TCERG1L: variants seen among roughly 807,000 people sequenced by gnomAD.
The protein encoded by TCERG1L is transcription elongation regulator 1 like, also known as transcription elongation regulator 1-like protein.
A neutral mutation model predicts 56.3 loss-of-function variants in TCERG1L; 37 were observed. The ratio of observed to expected loss-of-function variants is 0.66; its 90% CI spans 0.51 to 0.87. The LOEUF (loss-of-function observed/expected upper bound fraction) is 0.87, where lower values mean the gene tolerates loss of function less well. Among genes scored for constraint, TCERG1L ranks in the 40% least tolerant of loss-of-function variants. The pLI is 0.00. For missense variants in TCERG1L, 799 were observed against 774.2 expected (o/e 1.03, Z -0.38); for synonymous variants, 324 against 326.3 (o/e 0.99, Z 0.08).
At chr10:131,193,185 C>T (rs976751920) in intron 4 of TCERG1L, among the ~76,000 whole-genome samples, 2 of 152,134 alleles carry the variant, frequency 1.3e-5, no homozygotes, top group African/African-American at 2.4e-5. Flanking sequence ...ATGGCATTTA[C>T]ACACTTTTTA....
At chr10:131,254,453 G>A (rs1419686199) in intron 4 of TCERG1L, among the ~76,000 whole-genome samples, 1 of 152,074 alleles carries the variant, frequency 6.6e-6, no homozygotes. Context: ...GGGGTAACTG[G>A]AACTACAGGT....
chr10:131,290,257 G>A (rs920190759), intron 3 of TCERG1L, among the ~76,000 whole-genome samples: 41 of 152,296 alleles, frequency 2.7e-4, no homozygotes, highest in Non-Finnish European at 3.7e-4. Flanking sequence ...TGCTGTGTGC[G>A]AGCAGGTGTG....
intron 8 of TCERG1L, among the ~76,000 whole-genome samples, chr10:131,123,434 G>A (rs1845532751): frequency 6.6e-6 from 1 of 152,124 alleles, no homozygotes; most frequent in Admixed American, 6.5e-5. Context: ...GAACATTCCA[G>A]ACTCAGGGCT....
At chr10:131,107,924 C>A (rs888123572) in intron 9 of TCERG1L, among the ~76,000 whole-genome samples, 28 of 151,484 alleles carry the variant, frequency 1.8e-4, no homozygotes, top group African/African-American at 6.3e-4. Context: ...CACAAAGATG[C>A]ACACATTGAT....
intron 4 of TCERG1L, among the ~76,000 whole-genome samples, chr10:131,240,909 C>T (rs769562034): frequency 7.2e-5 from 11 of 152,298 alleles, no homozygotes; most frequent in South Asian, 4.1e-4. Flanking sequence ...GGGGCTGCAG[C>T]GGCATCAGGG....
rs149171204 is a variant in TCERG1L at position 131,093,620 on chromosome 10, G to A, written c.1605-302C>T. Among the ~76,000 whole-genome samples the A allele has an allele frequency of 3.4e-3, 524 of 152,180 alleles. 2 individuals are homozygous for A. The highest frequency in any genetic ancestry group is 5.5e-3 in the Non-Finnish European group (375 of 68,008). On this transcript the variant is annotated intron_variant, in intron 11 of 11. Transcript: ENST00000368642. ...TCATGCAGCTGTCACTCCCCCAGCC[G>A]CCCCGATCACAGCTTTGCTGGCCAG...
chr10:131,196,758 A>G (rs1449615716), intron 4 of TCERG1L, among the ~76,000 whole-genome samples: 1 of 152,200 alleles, frequency 6.6e-6, no homozygotes, highest in African/African-American at 2.4e-5. Context: ...GCAATTCCCT[A>G]CAAGGAATAA....
At chr10:131,206,350 CG>C (rs1453149129) in intron 4 of TCERG1L, among the ~76,000 whole-genome samples, 1 of 152,100 alleles carries the variant, frequency 6.6e-6, no homozygotes. Context: ...GAGTGAAGAC[CG>C]GTGTGGGAGC....
chr10:131,147,860 C>T (rs1845816777), intron 6 of TCERG1L, among the ~76,000 whole-genome samples: 1 of 152,258 alleles, frequency 6.6e-6, no homozygotes, highest in Non-Finnish European at 1.5e-5. Flanking sequence ...TCGGGAGGAG[C>T]TGGGGATTCG....
intron 7 of TCERG1L, among the ~76,000 whole-genome samples, chr10:131,145,502 T>C (rs1427482253): frequency 6.6e-6 from 1 of 152,230 alleles, no homozygotes; most frequent in Admixed American, 6.5e-5. Flanking sequence ...GGAATAAACA[T>C]TTTAAATGTG....
At chr10:131,309,833 G>GAAAAA (rs1846860577) in intron 1 of TCERG1L, among the ~76,000 whole-genome samples, 5 of 38,014 alleles carry the variant, frequency 1.3e-4, no homozygotes, top group Non-Finnish European at 2.2e-4. Flanking sequence ...AGATTCTATG[G>GAAAAA]CAAAAAAAAA....
intron 4 of TCERG1L, among the ~76,000 whole-genome samples, chr10:131,210,585 T>A (rs1390748855): frequency 6.6e-6 from 1 of 152,158 alleles, no homozygotes; most frequent in Non-Finnish European, 1.5e-5. Context: ...TGTTTTTACC[T>A]CCAGACTGTA....
rs112145082 is a variant in TCERG1L at position 131,242,392 on chromosome 10, C to T, written c.856+17867G>A. On this transcript the variant is annotated intron_variant, in intron 4 of 11. Coordinates refer to ENST00000368642, the MANE Select transcript of TCERG1L (RefSeq NM_174937.4). The stretch of plus-strand genomic sequence containing the variant: ...AGAAAGAAAATGGGGACTGGCTGGA[C>T]GAACAGGCAGAAGTGCACAAGAAAG... Among the ~76,000 whole-genome samples, 406 of 152,196 alleles carry T rather than the reference C, an allele frequency of 2.7e-3. 1 individual carries two copies. The highest frequency in any genetic ancestry group is 9.2e-3 in the African/African-American group (380 of 41,526).
chr10:131,140,754 C>G (rs1845728495), intron 7 of TCERG1L, among the ~76,000 whole-genome samples: 1 of 152,162 alleles, frequency 6.6e-6, no homozygotes, highest in Non-Finnish European at 1.5e-5. Flanking sequence ...AGGGCGGGCA[C>G]CAGGACGAGA....
At chr10:131,293,393 A>T (rs1846654644) in intron 3 of TCERG1L, among the ~76,000 whole-genome samples, 1 of 152,078 alleles carries the variant, frequency 6.6e-6, no homozygotes, top group Non-Finnish European at 1.5e-5. Context: ...GTTCACCTTG[A>T]TCAAAAACCG....
intron 4 of TCERG1L, among the ~76,000 whole-genome samples, chr10:131,199,651 G>A (rs1203916120): frequency 1.3e-5 from 2 of 152,174 alleles, no homozygotes; most frequent in Non-Finnish European, 2.9e-5. Context: ...ACACCCCCTT[G>A]AGCTAAATAA....
chr10:131,221,767 C>T (rs1845734869), intron 4 of TCERG1L, among the ~76,000 whole-genome samples: 1 of 152,182 alleles, frequency 6.6e-6, no homozygotes, highest in Non-Finnish European at 1.5e-5. Context: ...GGAGGGCAGC[C>T]CGGTCTGCTT....
chr10:131,248,285 A>ACACACACACGACT (rs534690052), intron 4 of TCERG1L, among the ~76,000 whole-genome samples: 1,626 of 151,826 alleles, frequency 0.011, 35 homozygotes, highest in African/African-American at 0.036. Context: ...CACAGGACAC[A>ACACACACACGACT]CACACACACA....
chr10:131,179,705 G>C (rs1845150696), intron 4 of TCERG1L, among the ~76,000 whole-genome samples: 1 of 152,206 alleles, frequency 6.6e-6, no homozygotes, highest in African/African-American at 2.4e-5. Flanking sequence ...TTGCTCTCCA[G>C]AGCCAAGAAG....
Sources: allele counts gnomAD v4.1 joint callset (sites outside exome capture counted in the v4.1 genomes callset), GRCh38; gene constraint gnomAD v4.1.1; transcripts MANE v1.5; gene names NCBI Gene and HGNC (gene_info 2026-07-23, HGNC 2026-07-21).